ARMH1: variants seen among roughly 807,000 people sequenced by gnomAD.
ARMH1 encodes the protein armadillo like helical domain containing 1.
A neutral mutation model predicts 50.2 loss-of-function variants in ARMH1; 34 were observed. The ratio of observed to expected loss-of-function variants is 0.68; its 90% CI spans 0.51 to 0.90. The LOEUF (loss-of-function observed/expected upper bound fraction) is 0.90. ARMH1 is among the 40% of genes least tolerant of loss of function. The pLI is 0.00. For synonymous variants in ARMH1, 221 were observed against 224.2 expected (o/e 0.99, Z 0.13); for missense variants, 538 against 553.9 (o/e 0.97, Z 0.29).
chr1:44,717,353 G>C (rs1646896940), intron 6 of ARMH1, among the ~76,000 whole-genome samples: 1 of 152,204 alleles, frequency 6.6e-6, no homozygotes, highest in African/African-American at 2.4e-5. Flanking sequence ...TTCCCAGCCA[G>C]ATCTCCCTTG....
chr1:44,702,725 A>AAG (rs1646144534), intron 5 of ARMH1, among the ~76,000 whole-genome samples: 1 of 150,734 alleles, frequency 6.6e-6, no homozygotes, highest in African/African-American at 2.4e-5. Context: ...AAAAAAAAAA[A>AAG]AAAGAAAAGA....
chr1:44,679,086 C>T (rs547048256), intron 1 of ARMH1, among the ~76,000 whole-genome samples: 21 of 152,332 alleles, frequency 1.4e-4, no homozygotes, highest in African/African-American at 4.6e-4. Context: ...GTTATCCTTG[C>T]AGAAGACTTT....
intron 6 of ARMH1, among the ~76,000 whole-genome samples, chr1:44,710,838 G>A (rs548405787): frequency 2.6e-5 from 4 of 152,190 alleles, no homozygotes; most frequent in South Asian, 4.1e-4. Flanking sequence ...TGAATTCAGC[G>A]AGCAGCTATT....
intron 2 of ARMH1, among the ~76,000 whole-genome samples, chr1:44,691,275 T>G (rs1419433198): frequency 6.6e-6 from 1 of 151,850 alleles, no homozygotes; most frequent in Non-Finnish European, 1.5e-5. Flanking sequence ...TTTTTAAAAA[T>G]TATAAAAATA....
chr1:44,698,462 C>G (rs1356972964), intron 4 of ARMH1, among the ~76,000 whole-genome samples: 1 of 152,186 alleles, frequency 6.6e-6, no homozygotes, highest in African/African-American at 2.4e-5. Flanking sequence ...AATATATCCT[C>G]TTTCAGGCAT....
chr1:44,691,998 A>C (rs1485593102), intron 2 of ARMH1, among the ~76,000 whole-genome samples: 1 of 152,158 alleles, frequency 6.6e-6, no homozygotes, highest in East Asian at 1.9e-4. Flanking sequence ...GGATTTGAGG[A>C]TATTCCTGCT....
Position 44,724,449 on chromosome 1 carries a change from G to C in ARMH1, c.920+57G>C. On this transcript the variant is annotated intron_variant, in intron 8 of 11. Transcript: ENST00000535358. This position sits in a 1 kb window ranked among gnomAD's most constrained non-coding sequence, Gnocchi z 6.4. ...GCAAGCCTGGCTTGGCGCTGCCGGC[G>C]GGCCCCGGGAGCGCTCCGTGCGCCG... 1 of 1,533,374 alleles carries C rather than the reference G, an allele frequency of 6.5e-7. No homozygotes were observed. 95.0% of individuals were successfully genotyped at this position (1,533,374 alleles called of 1,614,324 possible).
At chr1:44,696,511 A>G (rs1264302251) in intron 2 of ARMH1, among the ~76,000 whole-genome samples, 1 of 152,154 alleles carries the variant, frequency 6.6e-6, no homozygotes, top group Non-Finnish European at 1.5e-5. Context: ...ACTTTATTAT[A>G]ATGAGGCTTT....
chr1:44,716,243 G>A, intron 6 of ARMH1, among the ~76,000 whole-genome samples: 1 of 151,878 alleles, frequency 6.6e-6, no homozygotes, highest in South Asian at 2.1e-4. Context: ...ACGACTTTAT[G>A]TACCACCTAC....
chr1:44,676,674 C>T (rs989499521), intron 1 of ARMH1, among the ~76,000 whole-genome samples: 6 of 152,144 alleles, frequency 3.9e-5, no homozygotes, highest in African/African-American at 1.4e-4. Context: ...TGTTGGTGAC[C>T]TTTACAAGTG....
At chr1:44,676,220 G>A (rs1281417072) in intron 1 of ARMH1, among the ~76,000 whole-genome samples, 2 of 152,178 alleles carry the variant, frequency 1.3e-5, no homozygotes, top group Non-Finnish European at 2.9e-5. Flanking sequence ...AGGAAGGAGA[G>A]GAAGCAGGGG....
In ARMH1 at chr1:44,683,298, T is replaced by C. The variant is rs1645370231; in HGVS notation, c.-22-6378T>C. Among the ~76,000 whole-genome samples, 1 of 152,176 alleles carries C rather than the reference T, an allele frequency of 6.6e-6. No homozygotes were observed. Reference sequence around the variant, plus strand: ...GTTGACTTGAGGAGCCTGTGACACATACCAGTGAAGAGTCTGCCGGTCACT... The same window carrying C: ...GTTGACTTGAGGAGCCTGTGACACACACCAGTGAAGAGTCTGCCGGTCACT... On this transcript the variant is annotated intron_variant, in intron 1 of 11. Transcript: ENST00000535358. The surrounding 1 kb of genome is among the most constrained non-coding windows in gnomAD (Gnocchi z 4.2).
At position 44,703,812 on chromosome 1, in the gene ARMH1, T is replaced by C. The variant is rs564599692; in HGVS notation, c.640-277T>C. Among the ~76,000 whole-genome samples, 60 of 150,402 alleles carry C rather than the reference T, an allele frequency of 4.0e-4. 1 individual carries two copies. The South Asian group carries it at 0.012, about 30-fold the overall frequency. ...CGCGATCTCGGCTCACTGCAAGCTC[T>C]GCCTCCCGGGTTCACGCCATTCTCC... On this transcript the variant is annotated intron_variant, in intron 5 of 11. Coordinates refer to ENST00000535358, the MANE Select transcript of ARMH1 (RefSeq NM_001145636.2).
chr1:44,704,281 C>T, intron 6 of ARMH1, 108 bp downstream of exon 6: 1 of 825,690 alleles, frequency 1.2e-6, no homozygotes, highest in Non-Finnish European at 2.0e-6. Flanking sequence ...TCTGAGACAG[C>T]CTTGGCAGAT....
At chr1:44,722,116 T>C (rs1201229947) in intron 6 of ARMH1, among the ~76,000 whole-genome samples, 2 of 152,200 alleles carry the variant, frequency 1.3e-5, no homozygotes, top group Non-Finnish European at 2.9e-5. Context: ...TACAATGCAT[T>C]CTGGGATGCA....
rs972722923 is a variant in ARMH1 at position 44,681,290 on chromosome 1, C to T, written c.-23+6417C>T. Among the ~76,000 whole-genome samples the T allele has an allele frequency of 8.5e-5, 13 of 152,074 alleles. No homozygotes were observed. The highest frequency in any genetic ancestry group is 2.4e-4 in the African/African-American group (10 of 41,420). Reference sequence around the variant, plus strand: ...GATTACAAGCGTGAGCCACTGCGCCCGGCCGTGAGGCTCCATTTCTAAAAA... The same window carrying T: ...GATTACAAGCGTGAGCCACTGCGCCTGGCCGTGAGGCTCCATTTCTAAAAA... On this transcript the variant is annotated intron_variant, in intron 1 of 11. Transcript: ENST00000535358. This position sits in a 1 kb window ranked among gnomAD's most constrained non-coding sequence, Gnocchi z 4.3.
chr1:44,721,813 A>AG (rs1359663246), intron 6 of ARMH1: 9 of 152,160 alleles, frequency 5.9e-5, no homozygotes, highest in African/African-American at 2.2e-4. Flanking sequence ...ACTTCAAAAA[A>AG]TTTAACCATA....
chr1:44,721,821 A>G (rs555047397), intron 6 of ARMH1: 48 of 152,300 alleles, frequency 3.2e-4, no homozygotes, highest in African/African-American at 1.1e-3. Flanking sequence ...AAATTTAACC[A>G]TAAACTCATA....
At chr1:44,703,756 C>T (rs1229945085) in intron 5 of ARMH1, among the ~76,000 whole-genome samples, 3 of 133,296 alleles carry the variant, frequency 2.3e-5, no homozygotes, top group East Asian at 2.6e-4. Context: ...TTTTTTGAGA[C>T]GGCTCTGTTT....
Sources: gnomAD v4.1 joint callset for allele counts (sites outside exome capture counted in the v4.1 genomes callset) on GRCh38, gnomAD v4.1.1 for gene constraint, Gnocchi (gnomAD v3.1) non-coding constraint, MANE v1.5 for transcripts, NCBI Gene and HGNC (gene_info 2026-07-23, HGNC 2026-07-21) for gene names.